The following BCR variants were observed in gnomAD, a reference collection of about 807,000 sequenced individuals.
BCR encodes BCR activator of RhoGEF and GTPase, also known as breakpoint cluster region protein.
BCR carries 58 observed loss-of-function variants against 138.6 expected under a neutral mutation model. That is an observed-to-expected ratio of 0.42 (90% CI 0.34 to 0.52). The LOEUF (loss-of-function observed/expected upper bound fraction) is 0.52. Among genes scored for constraint, BCR ranks in the 20% least tolerant of loss-of-function variants. The probability of loss-of-function intolerance (pLI) is 0.06; values close to 1 mark genes in which losing one functional copy is unlikely to be tolerated. For missense variants in BCR, 1,599 were observed against 1,727.2 expected (o/e 0.93, Z 1.32); for synonymous variants, 786 against 730.1 (o/e 1.08, Z -1.23).
At chr22:23,263,272 T>C in intron 4 of BCR, 2 of 1,115,536 alleles carry the variant, frequency 1.8e-6, no homozygotes, top group Non-Finnish European at 2.6e-6. Flanking sequence ...ATGCGGGCCC[T>C]CGGCCGCCTG....
At chr22:23,311,031 C>G (rs2074001552) in intron 18 of BCR, among the ~76,000 whole-genome samples, 1 of 149,736 alleles carries the variant, frequency 6.7e-6, no homozygotes, top group East Asian at 2.0e-4. Context: ...CAGATAAGCC[C>G]TGCTAATGAG....
In BCR at chr22:23,196,977, C is replaced by T. The variant is rs566026381; in HGVS notation, c.1279+14738C>T. ...CCCAGAATCCTTGGATGCTCAAGTC[C>T]TTATGTAAAATGCCATAGCTAGCTT... is the stretch of plus-strand genomic sequence containing the variant. On this transcript the variant is annotated intron_variant, in intron 1 of 22. Coordinates refer to ENST00000305877, the MANE Select transcript of BCR (RefSeq NM_004327.4). Among the ~76,000 whole-genome samples, 6 of 152,312 alleles carry T rather than the reference C, an allele frequency of 3.9e-5. No individual in the cohort carries two copies. In the East Asian group the frequency reaches 7.7e-4, roughly 20 times the overall value.
chr22:23,200,594 G>C (rs1359761343), intron 1 of BCR, among the ~76,000 whole-genome samples: 1 of 152,024 alleles, frequency 6.6e-6, no homozygotes, highest in Non-Finnish European at 1.5e-5. Flanking sequence ...GTCTCACTCT[G>C]TCGCCCAGGC....
At chr22:23,247,274 C>T (rs1392711658) in intron 1 of BCR, among the ~76,000 whole-genome samples, 5 of 152,038 alleles carry the variant, frequency 3.3e-5, no homozygotes, top group Admixed American at 2.0e-4. Context: ...CACAGCTGGC[C>T]GAGCCACCGG....
intron 1 of BCR, chr22:23,198,361 T>C: frequency 2.2e-6 from 1 of 448,134 alleles, no homozygotes; most frequent in Admixed American, 2.9e-5. Context: ...AGGGGGAGAT[T>C]ATTCCAAGTA....
intron 5 of BCR, among the ~76,000 whole-genome samples, chr22:23,270,300 G>A (rs902572315): frequency 8.5e-5 from 13 of 152,118 alleles, no homozygotes; most frequent in Admixed American, 5.9e-4. Flanking sequence ...CTCTCCAGAC[G>A]GTAGGAATAG....
Position 23,290,458 on chromosome 22 carries a change from G to A in BCR, c.2782+45G>A, listed in dbSNP as rs577172446. On this transcript the variant is annotated intron_variant, in intron 14 of 22. Coordinates refer to ENST00000305877, the MANE Select transcript of BCR (RefSeq NM_004327.4). ...GGAGGGTTGCAGCGGCCGAGCCAGGGTCTCCACCCAGGAAGGACTCATCGG... is the reference window on the plus strand; with the variant it reads ...GGAGGGTTGCAGCGGCCGAGCCAGGATCTCCACCCAGGAAGGACTCATCGG... 12 of 1,579,740 alleles carry A rather than the reference G, an allele frequency of 7.6e-6. 1 individual carries two copies. In the African/African-American group the frequency reaches 1.1e-4, roughly 14 times the overall value.
At chr22:23,189,787 A>G (rs2072391752) in intron 1 of BCR, among the ~76,000 whole-genome samples, 1 of 152,164 alleles carries the variant, frequency 6.6e-6, no homozygotes, top group South Asian at 2.1e-4. Flanking sequence ...GGCATGAGCC[A>G]CCGCTCCTAG....
chr22:23,247,197 G>A (rs921929643), intron 1 of BCR, among the ~76,000 whole-genome samples: 2 of 152,190 alleles, frequency 1.3e-5, no homozygotes, highest in African/African-American at 2.4e-5. Flanking sequence ...GGCAGGAGCC[G>A]GGAAGGAGGA....
chr22:23,287,139 G>A lies in BCR; in HGVS notation c.2407-20G>A. The A allele has an allele frequency of 6.4e-7, 1 of 1,572,900 alleles. No homozygotes were observed. Among genetic ancestry groups the A allele is most frequent in the Non-Finnish European group, 8.6e-7 (1 of 1,158,300 alleles). ...TGGAGCGCTGGAATGGGAAGGTGAG[G>A]CTGTGGCATCTCCCCACAGAGGGCG... is the stretch of plus-strand genomic sequence containing the variant. On this transcript the variant is annotated intron_variant, in intron 10 of 22. Transcript: ENST00000305877.
chr22:23,199,883 G>T (rs1320055510), intron 1 of BCR, among the ~76,000 whole-genome samples: 1 of 151,974 alleles, frequency 6.6e-6, no homozygotes, highest in Non-Finnish European at 1.5e-5. Context: ...GAGGTCAAGA[G>T]ACCATCCTGG....
At chr22:23,221,011 G>C (rs12160877) in intron 1 of BCR, among the ~76,000 whole-genome samples, 5,091 of 152,218 alleles carry the variant, frequency 0.033, 277 homozygotes, top group African/African-American at 0.11. Flanking sequence ...GCAGGATTTG[G>C]AGAGGTGATG....
intron 1 of BCR, chr22:23,250,921 C>G (rs1196467612): frequency 2.0e-5 from 3 of 152,226 alleles, no homozygotes; most frequent in Non-Finnish European, 4.4e-5. Flanking sequence ...GGGCCAGAGC[C>G]TCGCTTCTGA....
chr22:23,271,726 T>TA (rs1403051546), intron 6 of BCR, 134 bp downstream of exon 6: 4 of 829,546 alleles, frequency 4.8e-6, no homozygotes, highest in Non-Finnish European at 7.8e-6. Flanking sequence ...TCTCTTCAGA[T>TA]AGAGTGGGCA....
intron 12 of BCR, among the ~76,000 whole-genome samples, chr22:23,289,141 C>T (rs906288000): frequency 4.6e-5 from 7 of 152,194 alleles, no homozygotes; most frequent in African/African-American, 1.2e-4. Flanking sequence ...GGTGGAGAAA[C>T]GGGGGCCTGT....
At chr22:23,307,126 C>T (rs1225433186) in intron 16 of BCR, among the ~76,000 whole-genome samples, 6 of 152,204 alleles carry the variant, frequency 3.9e-5, no homozygotes, top group Admixed American at 1.3e-4. Context: ...CAGGGTCTCT[C>T]GCTTTGTTGC....
At chr22:23,202,051 T>G (rs901073368) in intron 1 of BCR, among the ~76,000 whole-genome samples, 1 of 152,260 alleles carries the variant, frequency 6.6e-6, no homozygotes, top group African/African-American at 2.4e-5. Flanking sequence ...TTAGTAAATC[T>G]TGTGTAAATA....
chr22:23,206,617 TTAA>T (rs1193164964), intron 1 of BCR, among the ~76,000 whole-genome samples: 1 of 151,684 alleles, frequency 6.6e-6, no homozygotes, highest in Non-Finnish European at 1.5e-5. Flanking sequence ...CATTCATTGA[TTAA>T]AGTTACCAAA....
intron 1 of BCR, among the ~76,000 whole-genome samples, chr22:23,191,735 C>T (rs1569238748): frequency 6.6e-6 from 1 of 152,198 alleles, no homozygotes; most frequent in Non-Finnish European, 1.5e-5. Context: ...TGGAATGATA[C>T]ACACCATCTC....
Sources: gnomAD v4.1 joint callset for allele counts (sites outside exome capture counted in the v4.1 genomes callset) on GRCh38, gnomAD v4.1.1 for gene constraint, MANE v1.5 for transcripts, NCBI Gene and HGNC (gene_info 2026-07-23, HGNC 2026-07-21) for gene names.